IL1RAPL1: variants seen among roughly 807,000 people sequenced by gnomAD.
IL1RAPL1 encodes interleukin 1 receptor accessory protein like 1, also known as interleukin-1 receptor accessory protein-like 1.
Under a neutral mutation model 48.4 loss-of-function variants are expected in IL1RAPL1, and 3 were observed. The observed-to-expected ratio is 0.06, with a 90% confidence interval of 0.03 to 0.16. The LOEUF (loss-of-function observed/expected upper bound fraction) is 0.16. Among genes scored for constraint, IL1RAPL1 ranks in the 10% least tolerant of loss-of-function variants. The probability of loss-of-function intolerance (pLI) is 1.00; values close to 1 mark genes in which losing one functional copy is unlikely to be tolerated. For synonymous variants in IL1RAPL1, 185 were observed against 187.7 expected (o/e 0.99, Z 0.12); for missense variants, 349 against 530.6 (o/e 0.66, Z 3.36).
At chrX:29,850,242 A>C (rs1225398015) in intron 6 of IL1RAPL1, among the ~76,000 whole-genome samples, 1 of 112,139 alleles carries the variant, frequency 8.9e-6, no homozygotes, top group Non-Finnish European at 1.9e-5. Context: ...AAACCTTAGC[A>C]GTCATCTGTC....
At chrX:29,451,391 C>T (rs189808155) in intron 5 of IL1RAPL1, among the ~76,000 whole-genome samples, 325 of 109,799 alleles carry the variant, frequency 3.0e-3, no homozygotes, top group African/African-American at 0.01. Flanking sequence ...GACGGGGTTT[C>T]GCCATGTTGG....
intron 3 of IL1RAPL1, among the ~76,000 whole-genome samples, chrX:29,358,954 G>A (rs1933340714): frequency 9.1e-6 from 1 of 109,368 alleles, no homozygotes; most frequent in Non-Finnish European, 1.9e-5. Context: ...CTGGGAGGCA[G>A]AGGTTGCAGT....
At chrX:28,803,284 C>G (rs1385615124) in intron 2 of IL1RAPL1, among the ~76,000 whole-genome samples, 1 of 111,472 alleles carries the variant, frequency 9.0e-6, no homozygotes, top group Non-Finnish European at 1.9e-5. Flanking sequence ...ATAAGAGCTG[C>G]TGAGAAGAAT....
intron 1 of IL1RAPL1, among the ~76,000 whole-genome samples, chrX:28,647,378 G>A (rs1934625280): frequency 9.0e-6 from 1 of 111,276 alleles, no homozygotes; most frequent in Non-Finnish European, 1.9e-5. Flanking sequence ...GTTTCCTCAT[G>A]GGTCTCTGTT....
chrX:29,826,657 C>G (rs941847874), intron 6 of IL1RAPL1, among the ~76,000 whole-genome samples: 2 of 111,781 alleles, frequency 1.8e-5, no homozygotes, highest in Admixed American at 1.9e-4. Flanking sequence ...TTGTGTCTAG[C>G]TTCCTTCACT....
intron 2 of IL1RAPL1, among the ~76,000 whole-genome samples, chrX:28,996,698 G>GTACAT (rs1398680851): frequency 9.0e-6 from 1 of 110,550 alleles, no homozygotes; most frequent in African/African-American, 3.3e-5. Context: ...GTGGCCTTAA[G>GTACAT]TACATTCACA....
At chrX:29,119,989 G>A (rs1928749302) in intron 2 of IL1RAPL1, among the ~76,000 whole-genome samples, 1 of 111,221 alleles carries the variant, frequency 9.0e-6, no homozygotes, top group Non-Finnish European at 1.9e-5. Flanking sequence ...TTCTACAGGG[G>A]CATAGGGAAA....
At chrX:29,882,923 G>T (rs902231979) in intron 6 of IL1RAPL1, among the ~76,000 whole-genome samples, 2 of 111,685 alleles carry the variant, frequency 1.8e-5, no homozygotes, top group Non-Finnish European at 3.8e-5. Context: ...GAGAAATTCT[G>T]CAGTAGCATC....
At chrX:28,762,224 A>T (rs758573169) in intron 1 of IL1RAPL1, among the ~76,000 whole-genome samples, 6 of 111,958 alleles carry the variant, frequency 5.4e-5, no homozygotes, top group Non-Finnish European at 1.1e-4. Flanking sequence ...ATGATGAAAG[A>T]CATTATAAAA....
intron 2 of IL1RAPL1, among the ~76,000 whole-genome samples, chrX:29,223,867 C>T (rs1349943000): frequency 1.8e-5 from 2 of 110,832 alleles, no homozygotes; most frequent in African/African-American, 6.6e-5. Flanking sequence ...TATTGCCTTT[C>T]AATATAACTG....
intron 2 of IL1RAPL1, among the ~76,000 whole-genome samples, chrX:28,882,590 C>A (rs2147314621): frequency 8.9e-6 from 1 of 111,739 alleles, no homozygotes; most frequent in African/African-American, 3.2e-5. Flanking sequence ...TTGCGGTGAG[C>A]CAAAATCATG....
chrX:28,805,778 C>A (rs1445847631), intron 2 of IL1RAPL1, among the ~76,000 whole-genome samples: 1 of 110,657 alleles, frequency 9.0e-6, no homozygotes, highest in East Asian at 2.8e-4. Context: ...TTAAAAATAT[C>A]TGTTTTATTT....
intron 5 of IL1RAPL1, among the ~76,000 whole-genome samples, chrX:29,480,291 C>CATAT (rs61703733): frequency 0.1 from 7,746 of 76,329 alleles, 376 homozygotes; most frequent in East Asian, 0.16. Context: ...CACACATATA[C>CATAT]ATATATATAT....
intron 2 of IL1RAPL1, among the ~76,000 whole-genome samples, chrX:29,052,858 A>G (rs1170043758): frequency 1.8e-5 from 2 of 111,134 alleles, no homozygotes; most frequent in Non-Finnish European, 1.9e-5. Context: ...TTTTTAGTAG[A>G]GACAGGGTTT....
chrX:29,904,707 CT>C (rs1356673370), intron 6 of IL1RAPL1, among the ~76,000 whole-genome samples: 1 of 111,699 alleles, frequency 9.0e-6, no homozygotes, highest in Non-Finnish European at 1.9e-5. Context: ...GATCTCATTC[CT>C]TTTTTATGGC....
At chrX:29,932,775 A>ATTAT (rs1213714447) in intron 8 of IL1RAPL1, among the ~76,000 whole-genome samples, 1 of 108,434 alleles carries the variant, frequency 9.2e-6, no homozygotes, top group Non-Finnish European at 1.9e-5. Context: ...AGCTCTTATT[A>ATTAT]TTATTATTTA....
chrX:29,623,580 G>A (rs1008876873), intron 5 of IL1RAPL1, among the ~76,000 whole-genome samples: 3 of 111,896 alleles, frequency 2.7e-5, no homozygotes, highest in African/African-American at 9.8e-5. Context: ...TGGAAATACC[G>A]TTCCTCTACT....
At chrX:28,746,021 AT>A (rs1323078755) in intron 1 of IL1RAPL1, among the ~76,000 whole-genome samples, 2 of 111,734 alleles carry the variant, frequency 1.8e-5, no homozygotes, top group African/African-American at 6.5e-5. Context: ...AAAATCAAAA[AT>A]TGTATGAATA....
rs1160527555 is a variant in IL1RAPL1 at position 28,830,992 on chromosome X, T to TTCTCTC, written c.82+41597_82+41602dup. Among the ~76,000 whole-genome samples, 136 of 15,980 alleles carry TTCTCTC rather than the reference T, an allele frequency of 8.5e-3. 2 individuals carry two copies. The highest frequency in any genetic ancestry group is 0.011 in the South Asian group (2 of 188). The allele number at this position is 15,980 out of a possible 115,157, so 13.9% of individuals were successfully genotyped here. ...AATTCTCCCAACCTTTGCCCAGGGT[T>TTCTCTC]TCTCTCTCTCTCTCTCTCTCTCTCT... On this transcript the variant is annotated intron_variant, in intron 2 of 10. Transcript: ENST00000378993.
Sources: allele counts gnomAD v4.1 joint callset (sites outside exome capture counted in the v4.1 genomes callset), GRCh38; gene constraint gnomAD v4.1.1; transcripts MANE v1.5; gene names NCBI Gene and HGNC (gene_info 2026-07-23, HGNC 2026-07-21).